GBF1: variants seen among roughly 807,000 people sequenced by gnomAD.
GBF1 encodes golgi brefeldin A resistant guanine nucleotide exchange factor 1.
In GBF1, 114 loss-of-function variants were observed where a neutral mutation model predicts 210.5. The ratio of observed to expected loss-of-function variants is 0.54; its 90% CI spans 0.47 to 0.63. The LOEUF is 0.63. Ranked by LOEUF, GBF1 falls within the 30% of genes least tolerant of loss-of-function variation. GBF1 has a pLI of 0.00. For synonymous variants in GBF1, 850 were observed against 889.2 expected (o/e 0.96, Z 0.78); for missense variants, 1,851 against 2,357.7 (o/e 0.79, Z 4.45).
At position 102,330,693 on chromosome 10, in the gene GBF1, A is replaced by T. The variant is rs543407615; in HGVS notation, c.164-13358A>T. Among the ~76,000 whole-genome samples the T allele has an allele frequency of 1.6e-4, 25 of 152,250 alleles. No homozygotes were observed. In the South Asian group the frequency reaches 1.9e-3, roughly 11 times the overall value. ...AAGAGCAAAATTCCATCTCAAAAAA[A>T]AAATAAATAAAAATAATATAATGTA... is the stretch of plus-strand genomic sequence containing the variant. On this transcript the variant is annotated intron_variant, in intron 3 of 39. Coordinates refer to ENST00000369983, the MANE Select transcript of GBF1 (RefSeq NM_001377137.1).
intron 3 of GBF1, among the ~76,000 whole-genome samples, chr10:102,304,781 AAAGAAAG>A (rs2077691690): frequency 6.6e-6 from 1 of 150,676 alleles, no homozygotes; most frequent in Non-Finnish European, 1.5e-5. Context: ...CTCAAAAAAA[AAAGAAAG>A]AAAGAAAGAA....
intron 3 of GBF1, among the ~76,000 whole-genome samples, chr10:102,335,995 C>CT (rs2057702546): frequency 6.6e-6 from 1 of 151,976 alleles, no homozygotes; most frequent in Non-Finnish European, 1.5e-5. Flanking sequence ...TATATATTTA[C>CT]TTAAATCTTA....
intron 25 of GBF1, 30 bp downstream of exon 25, chr10:102,369,805 G>A (rs558580016): frequency 1.2e-6 from 2 of 1,614,148 alleles, no homozygotes; most frequent in East Asian, 2.2e-5. Flanking sequence ...TCAGGGGCTT[G>A]GGGAGGGAGA....
At position 102,359,376 on chromosome 10, in the gene GBF1, A is replaced by G. The variant is rs745369086; in HGVS notation, c.1121A>G (p.His374Arg). Residue 374 changes from histidine to arginine, a missense_variant, in exon 11 of 40, where the codon CAT becomes CGT. This residue lies in a region of GBF1 where 804 missense variants were observed against 958.6 expected (regional missense o/e 0.84). Coordinates refer to ENST00000369983, the MANE Select transcript of GBF1 (RefSeq NM_001377137.1). The stretch of plus-strand genomic sequence containing the variant: ...GACCACTCTGACTCTGCCTCTGTCC[A>G]TGACATGGATTACGTCAATCCCCGG... ...PADHSDSASVHDMDYVNPRGV... is the reference protein window; with the variant it reads ...PADHSDSASVRDMDYVNPRGV... The G allele has an allele frequency of 3.1e-6, 5 of 1,613,666 alleles. No homozygotes were observed. The highest frequency in any genetic ancestry group is 1.1e-5 in the South Asian group (1 of 91,082).
intron 3 of GBF1, among the ~76,000 whole-genome samples, chr10:102,274,333 ACCCTGT>A (rs2074715109): frequency 6.6e-6 from 1 of 151,050 alleles, no homozygotes; most frequent in Non-Finnish European, 1.5e-5. Context: ...TCCCACCTCC[ACCCTGT>A]GCCCTAGCCC....
At position 102,363,684 on chromosome 10, in the gene GBF1, T is replaced by A; in HGVS notation, c.2018-26T>A. 6.8e-7 allele frequency: 1 copy of A among 1,476,782 alleles called. No homozygotes were observed. Among genetic ancestry groups the A allele is most frequent in the East Asian group, 2.3e-5 (1 of 44,238 alleles). 91.5% of individuals were successfully genotyped at this position (1,476,782 alleles called of 1,614,324 possible). A position where few individuals can be genotyped will look rare whatever the true frequency, so the allele number is the denominator to read the frequency against. ...GGGTAAAAAAAGGTGTTACAGATAT[T>A]TCCCCCCTCTTCTTCCTACTCCTAG... On this transcript the variant is annotated intron_variant, in intron 16 of 39. Coordinates refer to ENST00000369983, the MANE Select transcript of GBF1 (RefSeq NM_001377137.1). The surrounding 1 kb of genome is among the most constrained non-coding windows in gnomAD (Gnocchi z 4.2).
At position 102,382,839 on chromosome 10, in the gene GBF1, T is replaced by A; in HGVS notation, c.*503T>A. 6.4e-6 allele frequency: 1 copy of A among 156,150 alleles called. No homozygotes were observed. The allele number at this position is 156,150 out of a possible 1,614,324, so 9.7% of individuals were successfully genotyped here. ...GACTGCCCACAGGAGCATGTACATA[T>A]GGAAAAACAGAACAACAGTGGACTT... On this transcript the variant is annotated 3_prime_UTR_variant, in exon 40 of 40. Coordinates refer to ENST00000369983, the MANE Select transcript of GBF1 (RefSeq NM_001377137.1).
chr10:102,267,602 A>T (rs1299181630), intron 3 of GBF1, among the ~76,000 whole-genome samples: 4 of 152,196 alleles, frequency 2.6e-5, no homozygotes, highest in Non-Finnish European at 5.9e-5. Context: ...TTTTTCCTAC[A>T]GGGGTCTATA....
At chr10:102,298,484 G>A (rs940490047) in intron 3 of GBF1, among the ~76,000 whole-genome samples, 2 of 152,196 alleles carry the variant, frequency 1.3e-5, no homozygotes, top group African/African-American at 2.4e-5. Flanking sequence ...TTAGAAAAGT[G>A]TATCTTTTAG....
At chr10:102,338,980 T>C (rs1270441272) in intron 3 of GBF1, among the ~76,000 whole-genome samples, 2 of 152,120 alleles carry the variant, frequency 1.3e-5, no homozygotes, top group Non-Finnish European at 2.9e-5. Context: ...CAAGTTTGTC[T>C]TAAATTGAAA....
chr10:102,244,757 G>A (rs549605042), upstream of GBF1, among the ~76,000 whole-genome samples: 22 of 152,308 alleles, frequency 1.4e-4, no homozygotes, highest in Non-Finnish European at 2.8e-4. Context: ...TGGGGGTGAG[G>A]AGACCCAGGG....
intron 29 of GBF1, among the ~76,000 whole-genome samples, chr10:102,372,926 CG>C (rs1262391094): frequency 6.6e-6 from 1 of 152,032 alleles, no homozygotes; most frequent in Non-Finnish European, 1.5e-5. Flanking sequence ...GGAACAGATC[CG>C]GGGGAGACTC....
chr10:102,329,175 AG>A (rs949784661), intron 3 of GBF1, among the ~76,000 whole-genome samples: 3 of 152,176 alleles, frequency 2.0e-5, no homozygotes, highest in African/African-American at 7.2e-5. Flanking sequence ...CTAGTATTTA[AG>A]GTTGATACGC....
At chr10:102,372,313 C>A (rs565720210) in intron 29 of GBF1, among the ~76,000 whole-genome samples, 1 of 151,700 alleles carries the variant, frequency 6.6e-6, no homozygotes, top group Non-Finnish European at 1.5e-5. Flanking sequence ...GTTGGGAGTT[C>A]GAGACCAGCC....
chr10:102,233,391 C>T, the GBF1 span, among the ~76,000 whole-genome samples: 19 of 149,134 alleles, frequency 1.3e-4, no homozygotes, highest in Non-Finnish European at 2.4e-4. Context: ...GCAACCTCCA[C>T]CTCCAGGGTT....
At chr10:102,346,021 T>C (rs886297739) in intron 4 of GBF1, among the ~76,000 whole-genome samples, 3 of 152,222 alleles carry the variant, frequency 2.0e-5, no homozygotes, top group Non-Finnish European at 4.4e-5. Flanking sequence ...TTTAAGATTG[T>C]TTCCTATTGA....
intron 5 of GBF1, 57 bp downstream of exon 5, chr10:102,351,431 C>G: frequency 1.1e-6 from 1 of 926,836 alleles, no homozygotes; most frequent in Non-Finnish European, 1.8e-6. Flanking sequence ...GCCGCAGACT[C>G]TACTTACTCT....
chr10:102,233,696 C>G, the GBF1 span, among the ~76,000 whole-genome samples: 2 of 152,176 alleles, frequency 1.3e-5, no homozygotes, highest in Non-Finnish European at 2.9e-5. Context: ...TGGGCCGGGC[C>G]TGGTCTCATG....
At chr10:102,251,501 T>C (rs766664650) in intron 1 of GBF1, among the ~76,000 whole-genome samples, 2 of 152,300 alleles carry the variant, frequency 1.3e-5, no homozygotes, top group Non-Finnish European at 2.9e-5. Context: ...AGTCCCATGG[T>C]GGTGATACAC....
Sources: gnomAD v4.1 joint callset for allele counts (sites outside exome capture counted in the v4.1 genomes callset) on GRCh38, gnomAD v4.1.1 for gene constraint, gnomAD v4.1.1 regional missense constraint, Gnocchi (gnomAD v3.1) non-coding constraint, MANE v1.5 for transcripts, NCBI Gene and HGNC (gene_info 2026-07-23, HGNC 2026-07-21) for gene names.